MGAT3: variants seen among roughly 807,000 people sequenced by gnomAD.
MGAT3 encodes the protein GlcNAc-T III.
MGAT3 carries 9 observed loss-of-function variants against 29.8 expected under a neutral mutation model. That is an observed-to-expected ratio of 0.30 (90% CI 0.18 to 0.53). The LOEUF (loss-of-function observed/expected upper bound fraction) is 0.53. Ranked by LOEUF, MGAT3 falls within the 20% of genes least tolerant of loss-of-function variation. The pLI is 0.96. For missense variants in MGAT3, 557 were observed against 769.5 expected, an observed-to-expected ratio of 0.72 and a Z score of 3.27; for synonymous variants, 397 against 348.9, an observed-to-expected ratio of 1.14 and a Z score of -1.54.
intron 1 of MGAT3, among the ~76,000 whole-genome samples, chr22:39,459,272 C>G (rs757705151): frequency 9.9e-5 from 15 of 152,072 alleles, no homozygotes; most frequent in African/African-American, 3.4e-4. Context: ...TGGGGTTTCA[C>G]CAGGTTGGCC....
rs759831070 is a variant in MGAT3 at position 39,488,367 on chromosome 22, C to T, written c.1020C>T (p.Phe340=). 3.7e-6 allele frequency: 6 copies of T among 1,612,702 alleles called. No homozygotes were observed. ...TCTACGATGGCTGGACCGAGCCCTT[C>T]GCCTTCCACATGCGCAAGTCGCTCT... is the stretch of plus-strand genomic sequence containing the variant. ...LKLYDGWTEP[F]AFHMRKSLYG... The change falls in exon 2 of 2, where the codon TTC becomes TTT. Residue 340 remains phenylalanine, a synonymous_variant. Coordinates refer to ENST00000341184, the MANE Select transcript of MGAT3 (RefSeq NM_002409.5).
chr22:39,487,979 C>G lies in MGAT3; in HGVS notation c.632C>G (p.Ala211Gly). 2.5e-6 allele frequency: 4 copies of G among 1,612,844 alleles called. No homozygotes were observed. Among genetic ancestry groups the G allele is most frequent in the Non-Finnish European group, 3.4e-6 (4 of 1,179,856 alleles). ...GAGGTGCCGCGCCGCGTCATCAACG[C>G]CATCAACGTCAACCACGAGTTCGAC... is the stretch of plus-strand genomic sequence containing the variant. ...PREVPRRVIN[A>G]INVNHEFDLL... The change falls in exon 2 of 2, where the codon GCC (alanine) becomes GGC (glycine). Residue 211 changes from alanine to glycine, a missense_variant. This residue lies in a region of MGAT3 where 243 missense variants were observed against 444.0 expected (regional missense o/e 0.55). Transcript: ENST00000341184. The surrounding 1 kb of genome is among the most constrained non-coding windows in gnomAD (Gnocchi z 5.7).
In MGAT3 at chr22:39,488,358, C is replaced by G. The variant is rs774261304; in HGVS notation, c.1011C>G (p.Thr337=). 1 of 1,612,570 alleles carries G rather than the reference C, an allele frequency of 6.2e-7. No individual in the cohort carries two copies. The highest frequency in any genetic ancestry group is 8.5e-7 in the Non-Finnish European group (1 of 1,180,016). The change falls in exon 2 of 2, where the codon ACC becomes ACG. Residue 337 remains threonine (T), a synonymous_variant. Coordinates refer to ENST00000341184, the MANE Select transcript of MGAT3 (RefSeq NM_002409.5). ...VLFLKLYDGW[T]EPFAFHMRKS... is the part of the protein sequence containing the mutation. The stretch of plus-strand genomic sequence containing the variant: ...TCCTCAAGCTCTACGATGGCTGGAC[C>G]GAGCCCTTCGCCTTCCACATGCGCA...
chr22:39,478,152 C>T (rs1034725862), intron 1 of MGAT3, among the ~76,000 whole-genome samples: 5 of 152,252 alleles, frequency 3.3e-5, no homozygotes, highest in Non-Finnish European at 5.9e-5. Context: ...GGCTTCAGCG[C>T]GAAGCCCTTT....
chr22:39,473,753 C>T (rs937654470), intron 1 of MGAT3, among the ~76,000 whole-genome samples: 3 of 141,796 alleles, frequency 2.1e-5, no homozygotes, highest in Non-Finnish European at 1.5e-5. Flanking sequence ...TGGGACCCCT[C>T]GCTTGCTTGT....
At chr22:39,468,955 G>A (rs1166701776) in intron 1 of MGAT3, among the ~76,000 whole-genome samples, 1 of 151,984 alleles carries the variant, frequency 6.6e-6, no homozygotes, top group Non-Finnish European at 1.5e-5. Context: ...TGAGGGCAGC[G>A]GTTCCAAGCT....
At position 39,487,270 on chromosome 22, in the gene MGAT3, G is replaced by A. The variant is rs1444848947; in HGVS notation, c.-1-77G>A. 6 of 1,457,422 alleles carry A rather than the reference G, an allele frequency of 4.1e-6. No homozygotes were observed. Among genetic ancestry groups the A allele is most frequent in the African/African-American group, 1.4e-5 (1 of 70,330 alleles). The allele number at this position is 1,457,422 out of a possible 1,614,324, so 90.3% of individuals were successfully genotyped here. On this transcript the variant is annotated intron_variant, in intron 1 of 1. Coordinates refer to ENST00000341184, the MANE Select transcript of MGAT3 (RefSeq NM_002409.5). The surrounding 1 kb of genome is among the most constrained non-coding windows in gnomAD (Gnocchi z 5.7). ...CACATTGTCCAGCAAGGTGGCAGCA[G>A]AGGCCTCCTAGGTCCCCTTCCTAGG...
chr22:39,488,583 G>C lies in MGAT3; in HGVS notation c.1236G>C (p.Leu412=). 1 of 1,613,234 alleles carries C rather than the reference G, an allele frequency of 6.2e-7. No homozygotes were observed. Among genetic ancestry groups the C allele is most frequent in the Non-Finnish European group, 8.5e-7 (1 of 1,180,008 alleles). The change falls in exon 2 of 2, where the codon CTG becomes CTC. Residue 412 remains leucine (L), a synonymous_variant. Transcript: ENST00000341184. ...ILVQWSLGSP[L]HFAGWHCSWC... ...TGCAGTGGTCGCTGGGCAGCCCCCT[G>C]CACTTCGCCGGCTGGCACTGCTCCT...
At chr22:39,466,284 G>A (rs1279415096) in intron 1 of MGAT3, among the ~76,000 whole-genome samples, 3 of 152,192 alleles carry the variant, frequency 2.0e-5, no homozygotes, top group Non-Finnish European at 1.5e-5. Context: ...ACCGGCTGTG[G>A]GGTCTCACCG....
rs1239276967 is a variant in MGAT3 at position 39,487,204 on chromosome 22, G to A, written c.-1-143G>A. 3.5e-6 allele frequency: 3 copies of A among 850,322 alleles called. No individual in the cohort carries two copies. Among genetic ancestry groups the A allele is most frequent in the African/African-American group, 1.7e-5 (1 of 58,698 alleles). 52.7% of individuals were successfully genotyped at this position (850,322 alleles called of 1,614,324 possible). On this transcript the variant is annotated intron_variant, in intron 1 of 1. Transcript: ENST00000341184. The surrounding 1 kb of genome is among the most constrained non-coding windows in gnomAD (Gnocchi z 5.7). ...TGGTACCGCGAGTTGACTCTTGGGG[G>A]CAGGAGGTCACTCCATGCAGGGGCA...
intron 1 of MGAT3, among the ~76,000 whole-genome samples, chr22:39,484,193 T>A (rs1317215645): frequency 1.3e-5 from 2 of 152,192 alleles, no homozygotes; most frequent in African/African-American, 4.8e-5. Flanking sequence ...ATCAATCGTG[T>A]TGTGATTCTG....
chr22:39,469,089 G>C (rs768498683), intron 1 of MGAT3, among the ~76,000 whole-genome samples: 4 of 150,192 alleles, frequency 2.7e-5, no homozygotes, highest in Non-Finnish European at 5.9e-5. Context: ...GGGAAGTGCG[G>C]GCAGTGGGAC....
rs1300110527 is a variant in MGAT3 at position 39,484,874 on chromosome 22, A to G, written c.-1-2473A>G. ...AAAAGTTATCAGGGCATGGTGGCAC[A>G]CGCCTGTAATTCCAGCTACTTGGGA... is the stretch of plus-strand genomic sequence containing the variant. On this transcript the variant is annotated intron_variant, in intron 1 of 1. Coordinates refer to ENST00000341184, the MANE Select transcript of MGAT3 (RefSeq NM_002409.5). Among the ~76,000 whole-genome samples the G allele has an allele frequency of 1.3e-5, 2 of 152,086 alleles. 1 individual carries two copies. The highest frequency in any genetic ancestry group is 4.8e-5 in the African/African-American group (2 of 41,434).
Position 39,488,414 on chromosome 22 carries a change from C to T in MGAT3, c.1067C>T (p.Pro356Leu), listed in dbSNP as rs765947243. The T allele has an allele frequency of 3.1e-6, 5 of 1,612,824 alleles. No individual in the cohort carries two copies. The highest frequency in any genetic ancestry group is 4.2e-6 in the Non-Finnish European group (5 of 1,180,018). ...KSLYGFFWKQ[P>L]GTLEVVSGCT... ...CTCTACGGCTTCTTCTGGAAGCAGCCGGGCACCCTGGAGGTGGTGTCAGGC... is the reference window on the plus strand; with the variant it reads ...CTCTACGGCTTCTTCTGGAAGCAGCTGGGCACCCTGGAGGTGGTGTCAGGC... The change falls in exon 2 of 2, where the codon CCG becomes CTG. Residue 356 changes from proline to leucine, a missense_variant. Pro to Leu is a moderately conservative substitution (Grantham distance 98). This residue lies in a region of MGAT3 where 243 missense variants were observed against 444.0 expected (regional missense o/e 0.55). Coordinates refer to ENST00000341184, the MANE Select transcript of MGAT3 (RefSeq NM_002409.5).
chr22:39,490,645 C>T lies in MGAT3; in HGVS notation c.*1696C>T, dbSNP rs915736962. ...GGGGAAACACCCCCTCCCCTCGGCC[C>T]CTCAGACGCTACCCAATGATGCCGG... On this transcript the variant is annotated 3_prime_UTR_variant, in exon 2 of 2. Transcript: ENST00000341184. 7 of 167,216 alleles carry T rather than the reference C, an allele frequency of 4.2e-5. No homozygotes were observed. The highest frequency in any genetic ancestry group is 2.0e-4 in the Admixed American group (3 of 15,276). The allele number at this position is 167,216 out of a possible 1,614,324, so 10.4% of individuals were successfully genotyped here. A position where few individuals can be genotyped will look rare whatever the true frequency, so the allele number is the denominator to read the frequency against.
At chr22:39,478,601 T>C (rs575456030) in intron 1 of MGAT3, among the ~76,000 whole-genome samples, 2 of 152,204 alleles carry the variant, frequency 1.3e-5, no homozygotes, top group African/African-American at 4.8e-5. Flanking sequence ...ACGGGCAAGC[T>C]CAGGACCACG....
intron 1 of MGAT3, among the ~76,000 whole-genome samples, chr22:39,463,611 C>T (rs1198972926): frequency 6.6e-6 from 1 of 152,166 alleles, no homozygotes; most frequent in Admixed American, 6.5e-5. Flanking sequence ...AACGGGAGGG[C>T]TGGAAGCCCA....
chr22:39,470,111 G>A (rs1928767011), intron 1 of MGAT3, among the ~76,000 whole-genome samples: 2 of 152,234 alleles, frequency 1.3e-5, no homozygotes, highest in Admixed American at 6.5e-5. Context: ...AGTGGCGACC[G>A]AGGCCTGTGG....
chr22:39,475,868 C>T (rs1928944143), intron 1 of MGAT3: 1 of 152,398 alleles, frequency 6.6e-6, no homozygotes, highest in Admixed American at 6.5e-5. Context: ...CCCAACTACT[C>T]ACGAGGCTGA....
Sources: allele counts gnomAD v4.1 joint callset (sites outside exome capture counted in the v4.1 genomes callset), GRCh38; gene constraint gnomAD v4.1.1; regional missense constraint gnomAD v4.1.1; non-coding constraint Gnocchi (gnomAD v3.1); transcripts MANE v1.5; gene names NCBI Gene and HGNC (gene_info 2026-07-23, HGNC 2026-07-21).